DLGAP2: variants seen among roughly 807,000 people sequenced by gnomAD.
The protein encoded by DLGAP2 is DLG associated protein 2.
DLGAP2 carries 26 observed loss-of-function variants against 100.3 expected under a neutral mutation model. The ratio of observed to expected loss-of-function variants is 0.26; its 90% confidence interval spans 0.19 to 0.36. The LOEUF (loss-of-function observed/expected upper bound fraction) is 0.36, where lower values mean the gene tolerates loss of function less well. DLGAP2 is among the 10% of genes least tolerant of loss of function. The pLI is 1.00. For missense variants in DLGAP2, 1,858 were observed against 1,453.2 expected (o/e 1.28, Z -4.53); for synonymous variants, 886 against 630.1 (o/e 1.41, Z -6.08).
At chr8:1,445,885 C>A (rs570875579) in intron 3 of DLGAP2, among the ~76,000 whole-genome samples, 50 of 152,316 alleles carry the variant, frequency 3.3e-4, no homozygotes, top group African/African-American at 1.2e-3. Flanking sequence ...GCATAAATGT[C>A]TTCTTTTGAG....
At chr8:1,146,523 C>T (rs1046696119) in intron 2 of DLGAP2, among the ~76,000 whole-genome samples, 90 of 152,260 alleles carry the variant, frequency 5.9e-4, no homozygotes, top group African/African-American at 1.9e-3. Context: ...AGCGTTCCTG[C>T]GTGTATTTAG....
intron 2 of DLGAP2, among the ~76,000 whole-genome samples, chr8:1,125,920 C>T (rs1796152860): frequency 6.6e-6 from 1 of 152,200 alleles, no homozygotes; most frequent in Non-Finnish European, 1.5e-5. Flanking sequence ...ACCCAGCGAG[C>T]TTGGCATTGG....
At chr8:942,117 C>T (rs539452774) in intron 2 of DLGAP2, among the ~76,000 whole-genome samples, 55 of 152,292 alleles carry the variant, frequency 3.6e-4, no homozygotes, top group African/African-American at 1.2e-3. Flanking sequence ...CCACTATGTC[C>T]AGCTAATATT....
chr8:1,021,466 T>C (rs1312998580), intron 2 of DLGAP2, among the ~76,000 whole-genome samples: 1 of 152,204 alleles, frequency 6.6e-6, no homozygotes, highest in African/African-American at 2.4e-5. Context: ...AGATTAGCCA[T>C]GTTGAGCTCA....
intron 1 of DLGAP2, among the ~76,000 whole-genome samples, chr8:829,444 C>A (rs1025103199): frequency 1.3e-5 from 2 of 152,094 alleles, no homozygotes; most frequent in African/African-American, 4.8e-5. Context: ...ATGATGAATA[C>A]CCATCGTGTT....
intron 2 of DLGAP2, among the ~76,000 whole-genome samples, chr8:1,147,457 A>G (rs1796628539): frequency 6.6e-6 from 1 of 151,672 alleles, no homozygotes; most frequent in Non-Finnish European, 1.5e-5. Context: ...CAGTTTTATT[A>G]TCTTTCTTTT....
chr8:1,072,002 C>T (rs991983472), intron 2 of DLGAP2, among the ~76,000 whole-genome samples: 2 of 152,254 alleles, frequency 1.3e-5, no homozygotes, highest in South Asian at 2.1e-4. Context: ...GGCCGGCCAG[C>T]GCTGCCTGGG....
chr8:1,596,232 A>G (rs752990517), intron 6 of DLGAP2, among the ~76,000 whole-genome samples: 3 of 152,238 alleles, frequency 2.0e-5, no homozygotes, highest in South Asian at 2.1e-4. Flanking sequence ...ATAGTATTCC[A>G]TGGTGTATAT....
At chr8:798,111 C>A (rs371823519) in intron 1 of DLGAP2, among the ~76,000 whole-genome samples, 4 of 152,248 alleles carry the variant, frequency 2.6e-5, no homozygotes, top group Non-Finnish European at 5.9e-5. Flanking sequence ...CTGTTTGCAT[C>A]AGTTTCTTGT....
chr8:965,946 G>A (rs1242754150), intron 2 of DLGAP2, among the ~76,000 whole-genome samples: 1 of 152,230 alleles, frequency 6.6e-6, no homozygotes, highest in Non-Finnish European at 1.5e-5. Flanking sequence ...CAGCTACCAT[G>A]AGTCTGCAAG....
In DLGAP2 at chr8:805,283, C is replaced by G. The variant is rs182220763; in HGVS notation, c.18+67458C>G. Among the ~76,000 whole-genome samples, 21 of 152,224 alleles carry G rather than the reference C, an allele frequency of 1.4e-4. No homozygotes were observed. The East Asian group carries it at 3.3e-3, about 24-fold the overall frequency. On this transcript the variant is annotated intron_variant, in intron 1 of 14. Transcript: ENST00000637795. ...CCAACTCCATGACCATATATCCTTC[C>G]TAAATTATTTCATTTCTTCTGGATG...
intron 3 of DLGAP2, among the ~76,000 whole-genome samples, chr8:1,372,844 A>G (rs1802279149): frequency 6.6e-6 from 1 of 152,224 alleles, no homozygotes; most frequent in Admixed American, 6.5e-5. Context: ...ATTCATTTCA[A>G]TGCCAGAATT....
chr8:1,653,397 C>T (rs1299370298), intron 8 of DLGAP2, among the ~76,000 whole-genome samples: 2 of 152,216 alleles, frequency 1.3e-5, no homozygotes, highest in African/African-American at 4.8e-5. Context: ...GAACCGAGCC[C>T]GGGTATCCCG....
At position 1,676,627 on chromosome 8, in the gene DLGAP2, G is replaced by T. The variant is rs767662562; in HGVS notation, c.2288+9G>T. 6.2e-7 allele frequency: 1 copy of T among 1,610,086 alleles called. No individual in the cohort carries two copies. Among genetic ancestry groups the T allele is most frequent in the Non-Finnish European group, 8.5e-7 (1 of 1,178,294 alleles). On this transcript the variant is annotated intron_variant, in intron 11 of 14. Coordinates refer to ENST00000637795, the MANE Select transcript of DLGAP2 (RefSeq NM_001346810.2). ...GTGGAAGATGAGAAGCGGTAACTCA[G>T]CCCCTCCTGACACGCGGTGACCCCC...
At chr8:1,066,974 C>G (rs916288990) in intron 2 of DLGAP2, among the ~76,000 whole-genome samples, 3 of 152,206 alleles carry the variant, frequency 2.0e-5, no homozygotes, top group African/African-American at 7.2e-5. Flanking sequence ...TGCCGCATCC[C>G]CAGCCCAAGC....
intron 1 of DLGAP2, among the ~76,000 whole-genome samples, chr8:798,927 G>A (rs1423388018): frequency 6.6e-6 from 1 of 152,274 alleles, no homozygotes; most frequent in Non-Finnish European, 1.5e-5. Flanking sequence ...GAAAGTAAAC[G>A]CTTGTTGAGA....
At chr8:1,249,689 G>A (rs185714782) in intron 2 of DLGAP2, among the ~76,000 whole-genome samples, 2 of 152,232 alleles carry the variant, frequency 1.3e-5, no homozygotes, top group Non-Finnish European at 2.9e-5. Flanking sequence ...GGTGAGACTG[G>A]AGTCATGAGC....
At chr8:1,493,537 C>T (rs1036154426) in intron 3 of DLGAP2, among the ~76,000 whole-genome samples, 3 of 152,212 alleles carry the variant, frequency 2.0e-5, no homozygotes, top group Non-Finnish European at 1.5e-5. Context: ...CAGAGACACA[C>T]CTGAACGTGT....
At chr8:963,415 C>G (rs2129010551) in intron 2 of DLGAP2, among the ~76,000 whole-genome samples, 1 of 152,224 alleles carries the variant, frequency 6.6e-6, no homozygotes, top group African/African-American at 2.4e-5. Flanking sequence ...CCTTTTACTG[C>G]CTTTTCTTAT....
Sources: allele counts gnomAD v4.1 joint callset (sites outside exome capture counted in the v4.1 genomes callset), GRCh38; gene constraint gnomAD v4.1.1; transcripts MANE v1.5; gene names NCBI Gene and HGNC (gene_info 2026-07-23, HGNC 2026-07-21).